The following IQCM variants were observed in gnomAD, a reference collection of about 807,000 sequenced individuals.
The protein encoded by IQCM is IQ motif containing M.
IQCM carries 45 observed loss-of-function variants against 57.6 expected under a neutral mutation model. The observed-to-expected ratio is 0.78, with a 90% CI of 0.62 to 1.00. The LOEUF is 1.00. Among genes scored for constraint, IQCM ranks in the 50% least tolerant of loss-of-function variants. The pLI, the probability that IQCM is intolerant of heterozygous loss-of-function variation, is 0.00. For missense variants in IQCM, 468 were observed against 511.6 expected (o/e 0.91, Z 0.82); for synonymous variants, 148 against 158.9 (o/e 0.93, Z 0.51).
intron 12 of IQCM, among the ~76,000 whole-genome samples, chr4:149,504,520 A>C (rs1743588006): frequency 6.6e-6 from 1 of 152,038 alleles, no homozygotes; most frequent in Admixed American, 6.6e-5. Context: ...CATATGTTGA[A>C]ATCCTAACCC....
intron 12 of IQCM, among the ~76,000 whole-genome samples, chr4:149,450,148 A>T (rs72955424): frequency 0.018 from 2,776 of 151,918 alleles, 59 homozygotes; most frequent in African/African-American, 0.055. Flanking sequence ...AGAAAACTGG[A>T]TGTCCACATG....
At chr4:149,711,480 A>C (rs1211130654) in intron 5 of IQCM, among the ~76,000 whole-genome samples, 1 of 152,136 alleles carries the variant, frequency 6.6e-6, no homozygotes, top group Non-Finnish European at 1.5e-5. Context: ...TAATATGCAA[A>C]TCTTGCAAGA....
chr4:149,808,039 C>T (rs1302333766), intron 2 of IQCM, among the ~76,000 whole-genome samples: 2 of 152,076 alleles, frequency 1.3e-5, no homozygotes, highest in Admixed American at 6.6e-5. Context: ...AATAGAACTA[C>T]CATATGATCC....
At chr4:149,663,641 G>C (rs1182108743) in intron 7 of IQCM, among the ~76,000 whole-genome samples, 1 of 150,956 alleles carries the variant, frequency 6.6e-6, no homozygotes, top group Non-Finnish European at 1.5e-5. Context: ...CTTTTTTTTA[G>C]TATGTTGAAT....
chr4:149,410,789 T>C (rs919570118), intron 13 of IQCM, among the ~76,000 whole-genome samples: 2 of 152,128 alleles, frequency 1.3e-5, no homozygotes, highest in African/African-American at 4.8e-5. Context: ...GTGACTGTCT[T>C]AACAAAGCTA....
chr4:149,375,211 G>A (rs1029757166), intron 13 of IQCM, among the ~76,000 whole-genome samples: 2 of 152,038 alleles, frequency 1.3e-5, no homozygotes, highest in African/African-American at 4.8e-5. Context: ...TATCAGAAGG[G>A]TAAACAACAT....
chr4:149,421,659 A>G (rs1036575343), intron 13 of IQCM, among the ~76,000 whole-genome samples: 2 of 151,982 alleles, frequency 1.3e-5, no homozygotes, highest in African/African-American at 2.4e-5. Flanking sequence ...ATTTTCCCAC[A>G]GTATGCAAAT....
intron 13 of IQCM, among the ~76,000 whole-genome samples, chr4:149,425,659 G>C (rs1171828513): frequency 6.6e-6 from 1 of 151,838 alleles, no homozygotes; most frequent in Non-Finnish European, 1.5e-5. Flanking sequence ...TCTTTATCTA[G>C]CCTACTGATT....
intron 13 of IQCM, among the ~76,000 whole-genome samples, chr4:149,354,381 A>AC (rs1560766432): frequency 2.6e-5 from 3 of 117,134 alleles, no homozygotes; most frequent in South Asian, 2.5e-4. Context: ...AAAAAAAAAA[A>AC]AAAAAAAACT....
At position 149,748,248 on chromosome 4, in the gene IQCM, A is replaced by G. The variant is rs115461266; in HGVS notation, c.-48-5509T>C. ...CTCCAAGTTCAGAGGCACACCATCA[A>G]TGACTTCAAAGGTACCTTCTGGATA... On this transcript the variant is annotated intron_variant, in intron 2 of 13. Coordinates refer to ENST00000636793, the MANE Select transcript of IQCM (RefSeq NM_001363507.2). Among the ~76,000 whole-genome samples, 217 of 152,260 alleles carry G rather than the reference A, an allele frequency of 1.4e-3. 1 individual carries two copies. The highest frequency in any genetic ancestry group is 5.0e-3 in the African/African-American group (206 of 41,550).
chr4:149,519,413 A>AGAT (rs1745355269), intron 12 of IQCM, among the ~76,000 whole-genome samples: 15 of 152,144 alleles, frequency 9.9e-5, no homozygotes, highest in Admixed American at 9.2e-4. Context: ...CGAGGTCAGG[A>AGAT]AATCGAGACC....
intron 12 of IQCM, among the ~76,000 whole-genome samples, chr4:149,436,050 A>G (rs192211019): frequency 4.5e-4 from 68 of 152,226 alleles, no homozygotes; most frequent in Non-Finnish European, 7.4e-4. Context: ...TATAAAGTCT[A>G]CAGTAGTGTA....
At chr4:149,602,432 C>T (rs550611594) in intron 8 of IQCM, among the ~76,000 whole-genome samples, 23 of 152,128 alleles carry the variant, frequency 1.5e-4, no homozygotes, top group East Asian at 7.7e-4. Context: ...GGTTTGTTTG[C>T]GTTTATTTTA....
At chr4:149,709,790 T>A (rs1764426379) in intron 5 of IQCM, among the ~76,000 whole-genome samples, 1 of 152,060 alleles carries the variant, frequency 6.6e-6, no homozygotes, top group African/African-American at 2.4e-5. Context: ...GATGCACAAA[T>A]GCAAAGTCTT....
chr4:149,516,946 T>C (rs1164955006), intron 12 of IQCM, among the ~76,000 whole-genome samples: 1 of 151,840 alleles, frequency 6.6e-6, no homozygotes, highest in Admixed American at 6.6e-5. Flanking sequence ...TACTACTCCA[T>C]AACAAAGGTA....
intron 9 of IQCM, among the ~76,000 whole-genome samples, chr4:149,565,082 A>C (rs964746654): frequency 6.6e-6 from 1 of 151,948 alleles, no homozygotes; most frequent in Non-Finnish European, 1.5e-5. Context: ...CTTCTTCTTA[A>C]TGTTTTTATT....
intron 7 of IQCM, among the ~76,000 whole-genome samples, chr4:149,636,926 G>A (rs1204939131): frequency 1.3e-5 from 2 of 151,668 alleles, no homozygotes; most frequent in Non-Finnish European, 2.9e-5. Context: ...GGTGGATCAT[G>A]AGGTCAGGAG....
At chr4:149,807,293 T>C (rs979230581) in intron 2 of IQCM, among the ~76,000 whole-genome samples, 2 of 151,940 alleles carry the variant, frequency 1.3e-5, no homozygotes, top group African/African-American at 4.8e-5. Context: ...AACACCATGG[T>C]ACTGACATAA....
At chr4:149,471,804 A>G (rs909299301) in intron 12 of IQCM, among the ~76,000 whole-genome samples, 2 of 152,198 alleles carry the variant, frequency 1.3e-5, no homozygotes, top group African/African-American at 4.8e-5. Context: ...CTGGGTTGCA[A>G]GTCTGGTGCA....
Sources: allele counts gnomAD v4.1 joint callset (sites outside exome capture counted in the v4.1 genomes callset), GRCh38; gene constraint gnomAD v4.1.1; transcripts MANE v1.5; gene names NCBI Gene and HGNC (gene_info 2026-07-23, HGNC 2026-07-21).